GREM2: variants seen among roughly 807,000 people sequenced by gnomAD.
GREM2 encodes gremlin 2, DAN family BMP antagonist.
Under a neutral mutation model 14.2 loss-of-function variants are expected in GREM2, and 11 were observed. That is an observed-to-expected ratio of 0.78 (90% CI 0.49 to 1.28). GREM2 has a LOEUF of 1.28. GREM2 is among the 50% of genes most tolerant of loss of function. GREM2 has a pLI of 0.00. For synonymous variants in GREM2, 98 were observed against 97.6 expected, an observed-to-expected ratio of 1.00 and a Z score of -0.02; for missense variants, 210 against 218.5, an observed-to-expected ratio of 0.96 and a Z score of 0.24.
At chr1:240,504,813 C>T (rs570450339) in intron 1 of GREM2, among the ~76,000 whole-genome samples, 2 of 151,992 alleles carry the variant, frequency 1.3e-5, no homozygotes, top group African/African-American at 4.8e-5. Flanking sequence ...TTTTTCACGT[C>T]TAAGTTTGAA....
chr1:240,587,484 G>C (rs1479447568), intron 1 of GREM2, among the ~76,000 whole-genome samples: 3 of 151,486 alleles, frequency 2.0e-5, no homozygotes, highest in Non-Finnish European at 4.4e-5. Context: ...ACTGTGACTG[G>C]CTAATTTTTG....
chr1:240,566,851 C>T (rs1679183057), intron 1 of GREM2, among the ~76,000 whole-genome samples: 1 of 151,876 alleles, frequency 6.6e-6, no homozygotes. Flanking sequence ...AAAAACAAAA[C>T]AAAACAAAAA....
At chr1:240,511,625 C>T (rs1047535159) in intron 1 of GREM2, among the ~76,000 whole-genome samples, 4 of 152,056 alleles carry the variant, frequency 2.6e-5, no homozygotes, top group Non-Finnish European at 5.9e-5. Flanking sequence ...TGGTGGTGGG[C>T]GCCTATAATC....
chr1:240,597,634 A>T (rs1028781345), intron 1 of GREM2, among the ~76,000 whole-genome samples: 5 of 152,180 alleles, frequency 3.3e-5, no homozygotes, highest in African/African-American at 1.2e-4. Flanking sequence ...ACTAGGTCTT[A>T]TGCTTTTTTA....
chr1:240,495,911 G>A (rs1391299092), intron 1 of GREM2, among the ~76,000 whole-genome samples: 2 of 151,142 alleles, frequency 1.3e-5, no homozygotes, highest in African/African-American at 4.8e-5. Flanking sequence ...CAGTATCTTA[G>A]AGAATAAGGC....
chr1:240,518,190 T>G (rs1677991350), intron 1 of GREM2, among the ~76,000 whole-genome samples: 1 of 152,232 alleles, frequency 6.6e-6, no homozygotes, highest in African/African-American at 2.4e-5. Flanking sequence ...CAATCATGTC[T>G]GCTAAACTCC....
chr1:240,555,281 C>A (rs186009041), intron 1 of GREM2, among the ~76,000 whole-genome samples: 1 of 152,246 alleles, frequency 6.6e-6, no homozygotes, highest in Admixed American at 6.5e-5. Context: ...AATTAAATGA[C>A]CTTGAGGAAG....
intron 1 of GREM2, among the ~76,000 whole-genome samples, chr1:240,575,379 A>T (rs1157756608): frequency 1.3e-5 from 2 of 151,848 alleles, no homozygotes; most frequent in Non-Finnish European, 2.9e-5. Flanking sequence ...AGAATCAGGC[A>T]AGTAAAGCAG....
chr1:240,590,423 TTTTC>T (rs1215374256), intron 1 of GREM2, among the ~76,000 whole-genome samples: 1 of 142,308 alleles, frequency 7.0e-6, no homozygotes, highest in Non-Finnish European at 1.5e-5. Flanking sequence ...TACTTTTTCT[TTTTC>T]TTTCTTTTTT....
At chr1:240,552,395 A>C (rs1643471313) in intron 1 of GREM2, among the ~76,000 whole-genome samples, 1 of 152,172 alleles carries the variant, frequency 6.6e-6, no homozygotes, top group African/African-American at 2.4e-5. Flanking sequence ...AGCCTGGACA[A>C]CATAGAGTGA....
chr1:240,567,948 A>G (rs949014669), intron 1 of GREM2, among the ~76,000 whole-genome samples: 9 of 152,166 alleles, frequency 5.9e-5, no homozygotes, highest in East Asian at 5.8e-4. Flanking sequence ...GTCTCTACTA[A>G]AAATACAAAA....
chr1:240,549,088 C>A (rs975416103), intron 1 of GREM2, among the ~76,000 whole-genome samples: 1 of 152,056 alleles, frequency 6.6e-6, no homozygotes, highest in Non-Finnish European at 1.5e-5. Flanking sequence ...TGTAATCCAG[C>A]ACTTTGGGAG....
intron 1 of GREM2, among the ~76,000 whole-genome samples, chr1:240,498,599 T>C (rs1677487941): frequency 6.6e-6 from 1 of 152,168 alleles, no homozygotes; most frequent in Admixed American, 6.5e-5. Context: ...TGCTTGCCTC[T>C]GTCCGTTCGC....
intron 1 of GREM2, among the ~76,000 whole-genome samples, chr1:240,568,447 G>C (rs1679204468): frequency 6.6e-6 from 1 of 151,992 alleles, no homozygotes; most frequent in Non-Finnish European, 1.5e-5. Flanking sequence ...AAAATATGAA[G>C]CAAATTGTAG....
intron 1 of GREM2, among the ~76,000 whole-genome samples, chr1:240,578,895 A>G (rs555826180): frequency 2.0e-5 from 3 of 152,314 alleles, no homozygotes; most frequent in East Asian, 3.9e-4. Flanking sequence ...GAGATTGGGA[A>G]TCTGCATTTT....
intron 1 of GREM2, among the ~76,000 whole-genome samples, chr1:240,521,073 G>A (rs1034353485): frequency 3.4e-4 from 52 of 152,262 alleles, no homozygotes; most frequent in African/African-American, 1.2e-3. Flanking sequence ...TGTGGTTTAG[G>A]TGAAATCTGA....
chr1:240,577,490 G>A (rs1369990988), intron 1 of GREM2, among the ~76,000 whole-genome samples: 1 of 152,172 alleles, frequency 6.6e-6, no homozygotes, highest in African/African-American at 2.4e-5. Context: ...TCACCATTTG[G>A]ACATTAAAAG....
intron 1 of GREM2, among the ~76,000 whole-genome samples, chr1:240,581,768 C>G (rs1679490171): frequency 6.6e-6 from 1 of 152,074 alleles, no homozygotes; most frequent in African/African-American, 2.4e-5. Flanking sequence ...AATATGAGTT[C>G]TAAAATAAAA....
At chr1:240,509,603 G>A (rs1488597332) in intron 1 of GREM2, among the ~76,000 whole-genome samples, 1 of 151,878 alleles carries the variant, frequency 6.6e-6, no homozygotes, top group Non-Finnish European at 1.5e-5. Context: ...CTCAACCTCA[G>A]GTGATCCGCC....
Sources: gnomAD v4.1 joint callset for allele counts (sites outside exome capture counted in the v4.1 genomes callset) on GRCh38, gnomAD v4.1.1 for gene constraint, MANE v1.5 for transcripts, NCBI Gene and HGNC (gene_info 2026-07-23, HGNC 2026-07-21) for gene names.